The following WWOX variants were observed in gnomAD, a reference collection of about 807,000 sequenced individuals.
WWOX encodes WW domain containing oxidoreductase.
In WWOX, 69 loss-of-function variants were observed where a neutral mutation model predicts 46.2. The ratio of observed to expected loss-of-function variants is 1.49; its 90% confidence interval spans 1.23 to 1.82. The LOEUF (loss-of-function observed/expected upper bound fraction) is 1.82, where lower values mean the gene tolerates loss of function less well. WWOX is among the 40% of genes most tolerant of loss of function. WWOX has a pLI of 0.00. For missense variants in WWOX, 919 were observed against 542.6 expected, an observed-to-expected ratio of 1.69 and a Z score of -6.89; for synonymous variants, 359 against 202.6, an observed-to-expected ratio of 1.77 and a Z score of -6.56.
intron 8 of WWOX, among the ~76,000 whole-genome samples, chr16:78,453,786 AAGAT>A (rs2151415583): frequency 6.6e-6 from 1 of 152,272 alleles, no homozygotes; most frequent in East Asian, 1.9e-4. Flanking sequence ...AAACAGTGCG[AAGAT>A]AGTTAAGCTC....
At chr16:79,041,972 C>G (rs1214535240) in intron 8 of WWOX, among the ~76,000 whole-genome samples, 4 of 151,984 alleles carry the variant, frequency 2.6e-5, no homozygotes, top group African/African-American at 9.7e-5. Context: ...GGAAGTTCAC[C>G]CTGGTTCTGC....
chr16:78,868,556 A>G (rs981438858), intron 8 of WWOX, among the ~76,000 whole-genome samples: 5 of 152,236 alleles, frequency 3.3e-5, no homozygotes, highest in African/African-American at 7.2e-5. Flanking sequence ...TAAAAAATGA[A>G]TTCCAGGACC....
At chr16:78,814,019 G>C (rs2051265849) in intron 8 of WWOX, among the ~76,000 whole-genome samples, 1 of 152,126 alleles carries the variant, frequency 6.6e-6, no homozygotes, top group South Asian at 2.1e-4. Flanking sequence ...GTTTCTTTTA[G>C]GAGTTTTCTT....
At chr16:78,954,450 G>C (rs993858349) in intron 8 of WWOX, among the ~76,000 whole-genome samples, 9 of 152,230 alleles carry the variant, frequency 5.9e-5, no homozygotes, top group African/African-American at 1.9e-4. Flanking sequence ...TGCATGGATA[G>C]ATGAATGGTG....
chr16:78,877,415 G>A (rs987824622), intron 8 of WWOX, among the ~76,000 whole-genome samples: 2 of 152,014 alleles, frequency 1.3e-5, no homozygotes, highest in Non-Finnish European at 2.9e-5. Context: ...CCTTCTGCCT[G>A]GAGTATTCTT....
At chr16:78,914,023 A>G (rs909491145) in intron 8 of WWOX, among the ~76,000 whole-genome samples, 9 of 152,170 alleles carry the variant, frequency 5.9e-5, no homozygotes, top group Middle Eastern at 3.4e-3. Flanking sequence ...GGTCCATCTG[A>G]GGATCATCAG....
chr16:78,847,132 A>T (rs1343771127), intron 8 of WWOX, among the ~76,000 whole-genome samples: 3 of 152,176 alleles, frequency 2.0e-5, no homozygotes, highest in Non-Finnish European at 4.4e-5. Flanking sequence ...TCAGTCTTGG[A>T]ATTAACTCAT....
intron 8 of WWOX, among the ~76,000 whole-genome samples, chr16:78,664,870 C>T (rs943828283): frequency 2.6e-5 from 4 of 152,148 alleles, no homozygotes; most frequent in African/African-American, 9.7e-5. Flanking sequence ...GTGCGTAAAA[C>T]GGAATTTGCC....
At chr16:79,014,007 A>T (rs2047364353) in intron 8 of WWOX, among the ~76,000 whole-genome samples, 1 of 152,162 alleles carries the variant, frequency 6.6e-6, no homozygotes, top group South Asian at 2.1e-4. Flanking sequence ...GTCAGTTGGC[A>T]TGCGATATGC....
intron 8 of WWOX, among the ~76,000 whole-genome samples, chr16:78,522,349 A>C (rs2043367064): frequency 6.6e-6 from 1 of 152,062 alleles, no homozygotes; most frequent in African/African-American, 2.4e-5. Flanking sequence ...CAAAAACCTA[A>C]TTCTTTGAGT....
intron 8 of WWOX, among the ~76,000 whole-genome samples, chr16:78,554,918 A>T (rs1238105547): frequency 1.3e-5 from 2 of 152,054 alleles, no homozygotes; most frequent in African/African-American, 2.4e-5. Context: ...AGCCTTACCC[A>T]AGCATTAATT....
In WWOX at chr16:78,637,797, G is replaced by A. The variant is rs1478197063; in HGVS notation, c.1056+205045G>A. Among the ~76,000 whole-genome samples the A allele has an allele frequency of 2.6e-5, 4 of 152,152 alleles. No individual in the cohort carries two copies. In the East Asian group the frequency reaches 7.7e-4, roughly 29 times the overall value. ...GGGATGTGTAGGGGACCTAGGGCCT[G>A]GGTAACATTGTCCCAGGCCAGGGCC... is the stretch of plus-strand genomic sequence containing the variant. On this transcript the variant is annotated intron_variant, in intron 8 of 8. Transcript: ENST00000566780.
At chr16:78,734,739 T>C (rs973302704) in intron 8 of WWOX, among the ~76,000 whole-genome samples, 31 of 151,278 alleles carry the variant, frequency 2.0e-4, no homozygotes, top group African/African-American at 7.3e-4. Context: ...CTCAAGTGCC[T>C]GAGCTTCGTC....
intron 8 of WWOX, among the ~76,000 whole-genome samples, chr16:78,554,940 G>A (rs2673786): frequency 0.021 from 3,196 of 152,094 alleles, 66 homozygotes; most frequent in African/African-American, 0.054. Context: ...TGCTGCATAG[G>A]CGGCCTGTTC....
chr16:78,521,532 C>T (rs1253802325), intron 8 of WWOX, among the ~76,000 whole-genome samples: 2 of 152,164 alleles, frequency 1.3e-5, no homozygotes, highest in African/African-American at 2.4e-5. Context: ...TTTAGGTTTC[C>T]TCCTTCGTTA....
chr16:79,164,955 G>A (rs1489720937), intron 8 of WWOX, among the ~76,000 whole-genome samples: 1 of 152,076 alleles, frequency 6.6e-6, no homozygotes, highest in Non-Finnish European at 1.5e-5. Context: ...TATTCACCCA[G>A]TACAACTCTC....
rs558310916 is a variant in WWOX at position 78,278,395 on chromosome 16, C to G, written c.517-108465C>G. On this transcript the variant is annotated intron_variant, in intron 5 of 8. Transcript: ENST00000566780. Reference sequence around the variant, plus strand: ...AATAGTGTGTGGAAGGAAGGAGCTTCCTGTCAGGGGAAATACTATAATTTT... The same window carrying G: ...AATAGTGTGTGGAAGGAAGGAGCTTGCTGTCAGGGGAAATACTATAATTTT... Among the ~76,000 whole-genome samples, 5 of 152,222 alleles carry G rather than the reference C, an allele frequency of 3.3e-5. No homozygotes were observed. In the South Asian group the frequency reaches 8.3e-4, roughly 25 times the overall value.
At chr16:79,049,205 C>G (rs141192770) in intron 8 of WWOX, among the ~76,000 whole-genome samples, 1 of 152,298 alleles carries the variant, frequency 6.6e-6, no homozygotes, top group African/African-American at 2.4e-5. Context: ...GCAGCCATGG[C>G]TGTTACATAA....
intron 4 of WWOX, among the ~76,000 whole-genome samples, chr16:78,132,173 C>T (rs1006818405): frequency 1.2e-4 from 18 of 151,112 alleles, no homozygotes; most frequent in African/African-American, 2.9e-4. Flanking sequence ...TACAGGTGCC[C>T]GCCACCACGC....
Sources: gnomAD v4.1 joint callset for allele counts (sites outside exome capture counted in the v4.1 genomes callset) on GRCh38, gnomAD v4.1.1 for gene constraint, MANE v1.5 for transcripts, NCBI Gene and HGNC (gene_info 2026-07-23, HGNC 2026-07-21) for gene names.